Variants in RIF1 observed in about 807,000 individuals in gnomAD.
RIF1 encodes the protein telomere-associated protein RIF1.
RIF1 carries 45 observed loss-of-function variants against 247.1 expected under a neutral mutation model. That is an observed-to-expected ratio of 0.18 (90% CI 0.14 to 0.23). RIF1 has a LOEUF of 0.23. RIF1 is among the 10% of genes least tolerant of loss of function. The probability of loss-of-function intolerance (pLI) is 1.00; values close to 1 mark genes in which losing one functional copy is unlikely to be tolerated. For synonymous variants in RIF1, 1,087 were observed against 978.8 expected, an observed-to-expected ratio of 1.11 and a Z score of -2.06; for missense variants, 2,967 against 2,862.5, an observed-to-expected ratio of 1.04 and a Z score of -0.83.
Position 151,465,738 on chromosome 2 carries a change from T to C in RIF1, c.6218T>C (p.Met2073Thr), listed in dbSNP as rs1696784934. ...MDNFVCDTVE[M>T]STEEGIIDAN... ...AACTTTGTTTGTGACACAGTTGAAATGAGCACTGAAGAAGGAATCATTGAC... is the reference window on the plus strand; with the variant it reads ...AACTTTGTTTGTGACACAGTTGAAACGAGCACTGAAGAAGGAATCATTGAC... The change falls in exon 30 of 36, where the codon ATG becomes ACG. Residue 2073 changes from methionine (M) to threonine (T), a missense_variant. Met to Thr is a moderately conservative substitution (Grantham distance 81, BLOSUM62 -1). This residue lies in a region of RIF1 where 2,028 missense variants were observed against 1,825.6 expected (regional missense o/e 1.11). Coordinates refer to ENST00000444746, the MANE Select transcript of RIF1 (RefSeq NM_018151.5). 3 of 1,614,122 alleles carry C rather than the reference T, an allele frequency of 1.9e-6. No homozygotes were observed. The highest frequency in any genetic ancestry group is 1.7e-6 in the Non-Finnish European group (2 of 1,179,994).
intron 18 of RIF1, 91 bp downstream of exon 18, chr2:151,443,800 T>A: frequency 1.4e-6 from 1 of 723,222 alleles, no homozygotes; most frequent in Non-Finnish European, 2.1e-6. Context: ...TGAATTTGAA[T>A]AGAAGATGGT....
the RIF1 span, among the ~76,000 whole-genome samples, chr2:151,516,878 A>G: frequency 6.6e-6 from 1 of 152,220 alleles, no homozygotes; most frequent in Admixed American, 6.5e-5. Flanking sequence ...ACCCAGGTAG[A>G]TGAGGTTGGT....
chr2:151,526,873 G>A, the RIF1 span: 12 of 1,308,478 alleles, frequency 9.2e-6, no homozygotes, highest in South Asian at 1.3e-4. Flanking sequence ...CATGGAAGAT[G>A]GCCCTGAGTG....
Position 151,428,965 on chromosome 2 carries a change from T to C in RIF1, c.925+43T>C, listed in dbSNP as rs1028896089. On this transcript the variant is annotated intron_variant, in intron 9 of 35. Transcript: ENST00000444746. The stretch of plus-strand genomic sequence containing the variant: ...AATTTTGATTTTCTGTGAATTTGTT[T>C]TGCTTAAAGCAAGATAAATGAAGTT... 3.9e-6 allele frequency: 5 copies of C among 1,280,464 alleles called. No individual in the cohort carries two copies. In the African/African-American group the frequency reaches 7.4e-5, roughly 19 times the overall value. 79.3% of individuals were successfully genotyped at this position (1,280,464 alleles called of 1,614,324 possible). A position where few individuals can be genotyped will look rare whatever the true frequency, so the allele number is the denominator to read the frequency against.
chr2:151,467,718 T>C (rs993493213), intron 30 of RIF1, among the ~76,000 whole-genome samples: 1 of 152,172 alleles, frequency 6.6e-6, no homozygotes, highest in African/African-American at 2.4e-5. Flanking sequence ...CGTACACTTT[T>C]AACTGCCACA....
chr2:151,524,254 G>T, the RIF1 span: 1 of 1,413,266 alleles, frequency 7.1e-7, no homozygotes, highest in Non-Finnish European at 1.0e-6. Context: ...ACTTCTTCCT[G>T]CAAGGTCTTT....
At chr2:151,484,403 C>T (rs56088979), downstream of RIF1, among the ~76,000 whole-genome samples, 2 of 152,242 alleles carry the variant, frequency 1.3e-5, no homozygotes. Context: ...CAAGACCAGT[C>T]TGGCCAATAT....
chr2:151,497,651 T>C lies in RIF1; in HGVS notation c.*514-1694T>C, dbSNP rs200761405. On this transcript the variant is annotated intron_variant and NMD_transcript_variant, in intron 10 of 13. Coordinates refer to the RIF1 transcript ENST00000454583. ...CGAGCTAATATTTTCTTGATTGTGT[T>C]TGACTCTTTCCATCTCGGGAGTGAC... 9.5e-5 allele frequency: 151 copies of C among 1,582,492 alleles called. 1 individual carries two copies. The East Asian group carries it at 3.4e-3, about 36-fold the overall frequency.
At chr2:151,440,003 A>AC (rs771054896) in intron 14 of RIF1, 24 bp from the exon 15 acceptor site, 2 of 904,330 alleles carry the variant, frequency 2.2e-6, no homozygotes, top group Non-Finnish European at 3.5e-6. Flanking sequence ...AAAGAACTAT[A>AC]CCCTTCTTTT....
rs1028686065 is a variant in RIF1, at chr2:151,481,428, T to C, written c.*6357T>C. The C allele has an allele frequency of 2.0e-5, 3 of 152,230 alleles. No homozygotes were observed. Among genetic ancestry groups the C allele is most frequent in the East Asian group, 1.9e-4 (1 of 5,200 alleles). The allele number at this position is 152,230 out of a possible 1,614,324, so 9.4% of individuals were successfully genotyped here. A position where few individuals can be genotyped will look rare whatever the true frequency, so the allele number is the denominator to read the frequency against. The stretch of plus-strand genomic sequence containing the variant: ...GTATTTGCCATGATGTTAAGGGACC[T>C]TGATGGTCTGTGAATTATCAGTTGC... On this transcript the variant is annotated 3_prime_UTR_variant, in exon 36 of 36. Transcript: ENST00000444746.
chr2:151,436,607 A>G (rs1691264922), intron 11 of RIF1, among the ~76,000 whole-genome samples: 1 of 148,048 alleles, frequency 6.8e-6, no homozygotes, highest in Non-Finnish European at 1.5e-5. Context: ...ATTGAAAGAC[A>G]TATGATATAC....
the RIF1 span, chr2:151,513,652 T>TCTTCCTTTGA: frequency 6.2e-7 from 1 of 1,609,234 alleles, no homozygotes. Flanking sequence ...CATTCAGGCC[T>TCTTCCTTTGA]CTTCCTTTGA....
chr2:151,503,820 C>CCAAT (rs1217051986), intron 12 of RIF1, among the ~76,000 whole-genome samples: 5 of 152,072 alleles, frequency 3.3e-5, no homozygotes, highest in African/African-American at 1.2e-4. Flanking sequence ...TTAAAATTTT[C>CCAAT]CAATCATAGG....
chr2:151,524,759 C>T, the RIF1 span: 17 of 699,324 alleles, frequency 2.4e-5, no homozygotes, highest in East Asian at 1.7e-4. Flanking sequence ...TTCTGTCTCC[C>T]GGATTCAAGT....
chr2:151,462,153 G>T, intron 27 of RIF1, 89 bp from the exon 28 acceptor site: 1 of 853,924 alleles, frequency 1.2e-6, no homozygotes, highest in Non-Finnish European at 1.8e-6. Context: ...GATTACAGGC[G>T]TGAGCCACCG....
At chr2:151,467,259 G>GAAAGAT (rs1181957744) in intron 30 of RIF1, among the ~76,000 whole-genome samples, 57 of 152,182 alleles carry the variant, frequency 3.7e-4, no homozygotes, top group Non-Finnish European at 6.9e-4. Flanking sequence ...CAAAATCCCT[G>GAAAGAT]TTACTCTTAT....
At chr2:151,489,222 A>G (rs1209169383) in intron 9 of RIF1, among the ~76,000 whole-genome samples, 1 of 152,218 alleles carries the variant, frequency 6.6e-6, no homozygotes, top group Non-Finnish European at 1.5e-5. Flanking sequence ...GATTGTTCAT[A>G]TCAATCCTAA....
the RIF1 span, chr2:151,529,344 A>AT: frequency 3.6e-6 from 5 of 1,396,940 alleles, no homozygotes; most frequent in Non-Finnish European, 5.1e-6. Flanking sequence ...GACAAGATTA[A>AT]TTTTTTTATA....
chr2:151,522,636 A>T, the RIF1 span, among the ~76,000 whole-genome samples: 2 of 152,232 alleles, frequency 1.3e-5, no homozygotes, highest in African/African-American at 2.4e-5. Flanking sequence ...AAATCAACAG[A>T]AAAGAATGCA....
Sources: allele counts gnomAD v4.1 joint callset (sites outside exome capture counted in the v4.1 genomes callset), GRCh38; gene constraint gnomAD v4.1.1; regional missense constraint gnomAD v4.1.1; transcripts MANE v1.5; gene names NCBI Gene and HGNC (gene_info 2026-07-23, HGNC 2026-07-21).